The following LARGE1 variants were observed in gnomAD, a reference collection of about 807,000 sequenced individuals.
The protein encoded by LARGE1 is xylosyl- and glucuronyltransferase LARGE1.
LARGE1 carries 43 observed loss-of-function variants against 87.6 expected under a neutral mutation model. The ratio of observed to expected loss-of-function variants is 0.49; its 90% CI spans 0.38 to 0.63. LARGE1 has a LOEUF of 0.63. Among genes scored for constraint, LARGE1 ranks in the 30% least tolerant of loss-of-function variants. The pLI, the probability that LARGE1 is intolerant of heterozygous loss-of-function variation, is 0.00. For missense variants in LARGE1, 802 were observed against 1,000.2 expected, an observed-to-expected ratio of 0.80 and a Z score of 2.67; for synonymous variants, 434 against 394.6, an observed-to-expected ratio of 1.10 and a Z score of -1.18.
At position 33,421,114 on chromosome 22, in the gene LARGE1, A is replaced by C. The variant is rs1208782966; in HGVS notation, c.892+11047T>G. On this transcript the variant is annotated intron_variant, in intron 7 of 14. Transcript: ENST00000397394. ...TGAGGTAGGAAAGTTGCTTGAACCC[A>C]GGAGGTGGAGGTTGCAGTGAGCAGA... Among the ~76,000 whole-genome samples the C allele has an allele frequency of 2.6e-5, 4 of 152,232 alleles. No individual in the cohort carries two copies. The East Asian group carries it at 7.7e-4, about 29-fold the overall frequency.
intron 11 of LARGE1, among the ~76,000 whole-genome samples, chr22:33,305,948 C>A (rs1934840215): frequency 6.7e-6 from 1 of 150,292 alleles, no homozygotes; most frequent in Admixed American, 6.6e-5. Context: ...ACGCCATTCT[C>A]CTGCCTCAGC....
chr22:33,402,627 T>C (rs2065962052), intron 7 of LARGE1, among the ~76,000 whole-genome samples: 2 of 152,284 alleles, frequency 1.3e-5, no homozygotes, highest in Admixed American at 6.5e-5. Flanking sequence ...TCATAACTTA[T>C]AGGACTGTTG....
Position 33,715,733 on chromosome 22 carries a change from T to C in LARGE1, c.106+45638A>G, listed in dbSNP as rs558338286. Among the ~76,000 whole-genome samples the C allele has an allele frequency of 3.3e-5, 5 of 152,026 alleles. No homozygotes were observed. The South Asian group carries it at 1.0e-3, about 32-fold the overall frequency. ...TTCCCCTAGCTCCCCAAACAACACA[T>C]GGCAAGGACTGGAAAGCAGATGAGC... On this transcript the variant is annotated intron_variant, in intron 2 of 14. Transcript: ENST00000397394.
In LARGE1 at chr22:33,283,298, A is replaced by G; in HGVS notation, c.1781T>C (p.Val594Ala). ...GTAGCGCAGTGTCTCGAACGCGGGG[A>G]CAATCATTGCTTTCTTGGTGTTGGC... Reference protein sequence around the residue: ...DLANTKKAMIVPAFETLRYRL... With the variant: ...DLANTKKAMIAPAFETLRYRL... The change falls in exon 13 of 15, where the codon GTC (valine) becomes GCC (alanine). Residue 594 changes from valine (V) to alanine (A), a missense_variant. By Grantham distance (64) the Val-to-Ala change is moderately conservative. Transcript: ENST00000397394. 6.2e-7 allele frequency: 1 copy of G among 1,614,104 alleles called. No individual in the cohort carries two copies. The highest frequency in any genetic ancestry group is 8.5e-7 in the Non-Finnish European group (1 of 1,180,012).
At chr22:33,111,077 C>T in the LARGE1 span, among the ~76,000 whole-genome samples, 37 of 152,250 alleles carry the variant, frequency 2.4e-4, no homozygotes, top group East Asian at 5.0e-3. Context: ...AGCCTTTTAT[C>T]ATACCACTAG....
At chr22:33,262,318 C>T (rs1927677924) in intron 11 of LARGE1, among the ~76,000 whole-genome samples, 1 of 152,206 alleles carries the variant, frequency 6.6e-6, no homozygotes, top group South Asian at 2.1e-4. Flanking sequence ...TTCAGTCAAA[C>T]CCTTTCTGGG....
chr22:33,677,552 CCTT>C (rs1007836173), intron 2 of LARGE1, among the ~76,000 whole-genome samples: 36 of 152,250 alleles, frequency 2.4e-4, no homozygotes, highest in African/African-American at 6.7e-4. Flanking sequence ...CCTTCTTTCT[CCTT>C]CTCTCTTCTC....
rs183574267 is a variant in LARGE1, at chr22:33,221,338, C to T, written c.1731-54506G>A. 4.6e-5 allele frequency among the ~76,000 whole-genome samples: 7 copies of T among 152,278 alleles called. No individual in the cohort carries two copies. The East Asian group carries it at 1.4e-3, about 29-fold the overall frequency. Reference sequence around the variant, plus strand: ...TTTTCCGTATCTCAATTCTCTCTCTCCTGCCAATCCTGATATTCTTCTGCA... The same window carrying T: ...TTTTCCGTATCTCAATTCTCTCTCTTCTGCCAATCCTGATATTCTTCTGCA... On this transcript the variant is annotated intron_variant, in intron 11 of 11. Coordinates refer to the LARGE1 transcript ENST00000608642.
intron 1 of LARGE1, among the ~76,000 whole-genome samples, chr22:33,841,131 G>C (rs2063269866): frequency 6.6e-6 from 1 of 152,216 alleles, no homozygotes; most frequent in South Asian, 2.1e-4. Context: ...TAGGTTAAAT[G>C]TATTAAACGC....
At chr22:33,349,248 G>A (rs752794746) in intron 9 of LARGE1, among the ~76,000 whole-genome samples, 20 of 152,100 alleles carry the variant, frequency 1.3e-4, no homozygotes, top group Non-Finnish European at 2.4e-4. Context: ...CAGATGGTGG[G>A]CCTTCTCTGC....
intron 10 of LARGE1, among the ~76,000 whole-genome samples, chr22:33,334,634 G>A (rs1938213556): frequency 6.6e-6 from 1 of 152,198 alleles, no homozygotes; most frequent in African/African-American, 2.4e-5. Context: ...CAGAAAGGAG[G>A]TGGATGTGGC....
chr22:33,721,285 C>G lies in LARGE1; in HGVS notation c.106+40086G>C, dbSNP rs561006490. Among the ~76,000 whole-genome samples, 75 of 152,276 alleles carry G rather than the reference C, an allele frequency of 4.9e-4. 3 individuals are homozygous for G. In the South Asian group the frequency reaches 0.014, roughly 28 times the overall value. ...TAGGACCCTGAACAAGACATTAAAT[C>G]AGAGCAAAACACACATTCCTTCTGA... On this transcript the variant is annotated intron_variant, in intron 2 of 14. Transcript: ENST00000397394.
At chr22:33,196,298 T>A (rs1227293093) in intron 11 of LARGE1, among the ~76,000 whole-genome samples, 1 of 151,878 alleles carries the variant, frequency 6.6e-6, no homozygotes, top group African/African-American at 2.4e-5. Flanking sequence ...ATATAACATA[T>A]AGGAAAGAAA....
intron 6 of LARGE1, among the ~76,000 whole-genome samples, chr22:33,515,777 C>T (rs975468668): frequency 5.3e-5 from 8 of 152,154 alleles, no homozygotes; most frequent in Non-Finnish European, 8.8e-5. Flanking sequence ...GAATGATGAA[C>T]ACTGGCAGGA....
chr22:33,485,847 T>A (rs2069549940), intron 6 of LARGE1, among the ~76,000 whole-genome samples: 1 of 152,186 alleles, frequency 6.6e-6, no homozygotes, highest in African/African-American at 2.4e-5. Context: ...CTTATCACCA[T>A]CTGACATACT....
At chr22:33,664,544 T>C (rs1289762668) in intron 2 of LARGE1, among the ~76,000 whole-genome samples, 1 of 152,168 alleles carries the variant, frequency 6.6e-6, no homozygotes, top group African/African-American at 2.4e-5. Flanking sequence ...CTCATTCTAC[T>C]TGTCACTCAC....
intron 1 of LARGE1, among the ~76,000 whole-genome samples, chr22:33,857,461 T>C (rs1033452036): frequency 6.6e-6 from 1 of 152,272 alleles, no homozygotes; most frequent in Non-Finnish European, 1.5e-5. Context: ...ACATGTTCAC[T>C]TGCAGTAAGT....
At chr22:33,102,840 G>A in the LARGE1 span, among the ~76,000 whole-genome samples, 1 of 152,012 alleles carries the variant, frequency 6.6e-6, no homozygotes, top group Non-Finnish European at 1.5e-5. Context: ...TCCACACCTT[G>A]CAATCTCTTG....
intron 1 of LARGE1, among the ~76,000 whole-genome samples, chr22:33,805,467 C>T (rs1360619922): frequency 6.6e-6 from 1 of 152,158 alleles, no homozygotes; most frequent in African/African-American, 2.4e-5. Flanking sequence ...GGCACGGTGG[C>T]TCACGCCTGT....
Sources: gnomAD v4.1 joint callset for allele counts (sites outside exome capture counted in the v4.1 genomes callset) on GRCh38, gnomAD v4.1.1 for gene constraint, MANE v1.5 for transcripts, NCBI Gene and HGNC (gene_info 2026-07-23, HGNC 2026-07-21) for gene names.